The following SNRK variants were observed in gnomAD, a reference collection of about 807,000 sequenced individuals.
SNRK encodes the protein SNF-related serine/threonine-protein kinase.
In SNRK, 3 loss-of-function variants were observed where a neutral mutation model predicts 48.2. That is an observed-to-expected ratio of 0.06 (90% confidence interval 0.03 to 0.16). The LOEUF (loss-of-function observed/expected upper bound fraction) is 0.16. Among genes scored for constraint, SNRK ranks in the 10% least tolerant of loss-of-function variants. The pLI, the probability that SNRK is intolerant of heterozygous loss-of-function variation, is 1.00. For synonymous variants in SNRK, 376 were observed against 366.1 expected, an observed-to-expected ratio of 1.03 and a Z score of -0.31; for missense variants, 627 against 976.0, an observed-to-expected ratio of 0.64 and a Z score of 4.76.
At chr3:43,335,052 T>G (rs2125641527) in intron 4 of SNRK, among the ~76,000 whole-genome samples, 1 of 152,310 alleles carries the variant, frequency 6.6e-6, no homozygotes, top group African/African-American at 2.4e-5. Flanking sequence ...AACTACCTTT[T>G]GCTTTTATTA....
chr3:43,343,087 C>A, intron 5 of SNRK: 1 of 375,628 alleles, frequency 2.7e-6, no homozygotes. Context: ...AACTCAGCTG[C>A]TGTTGGCATT....
intron 1 of SNRK, among the ~76,000 whole-genome samples, chr3:43,293,224 T>A (rs2090826986): frequency 6.6e-6 from 1 of 152,172 alleles, no homozygotes; most frequent in Non-Finnish European, 1.5e-5. Flanking sequence ...TGCCTCAGCT[T>A]CCCAAAGTGC....
At chr3:43,294,276 G>A (rs185639893) in intron 1 of SNRK, among the ~76,000 whole-genome samples, 129 of 152,216 alleles carry the variant, frequency 8.5e-4, no homozygotes, top group African/African-American at 3.1e-3. Context: ...CCTAGCATCA[G>A]AAGTGTTTTG....
intron 3 of SNRK, among the ~76,000 whole-genome samples, chr3:43,330,228 C>T (rs766585472): frequency 2.6e-5 from 4 of 152,142 alleles, no homozygotes; most frequent in African/African-American, 4.8e-5. Flanking sequence ...TATGTATTTT[C>T]ATTGTCAGCC....
intron 3 of SNRK, among the ~76,000 whole-genome samples, chr3:43,328,678 C>CT (rs1389448647): frequency 3.9e-5 from 6 of 152,112 alleles, no homozygotes; most frequent in East Asian, 1.9e-4. Context: ...GAATCATCAC[C>CT]TTTTTTTAAA....
At chr3:43,343,533 CTTTTTT>C in intron 6 of SNRK, 55 bp downstream of exon 6, 2 of 1,307,030 alleles carry the variant, frequency 1.5e-6, no homozygotes, top group Non-Finnish European at 1.0e-6. Context: ...AAATAGCGAA[CTTTTTT>C]TTTTTTTTTT....
chr3:43,309,649 C>T (rs545438800), intron 3 of SNRK, among the ~76,000 whole-genome samples: 72 of 148,542 alleles, frequency 4.8e-4, no homozygotes, highest in Non-Finnish European at 8.3e-4. Flanking sequence ...TAGGGACTCT[C>T]TCTGTAGCCC....
chr3:43,286,851 A>AGGACGCGGGGCCCGGGC (rs1303992401), intron 1 of SNRK, among the ~76,000 whole-genome samples, 176 bp downstream of exon 1: 2 of 145,240 alleles, frequency 1.4e-5, no homozygotes, highest in Non-Finnish European at 3.1e-5. Flanking sequence ...GCGGCCCGGG[A>AGGACGCGGGGCCCGGGC]GGACGCGGGG....
In SNRK at chr3:43,335,063, A is replaced by T. The variant is rs868025939; in HGVS notation, c.731+2753A>T. 1.4e-4 allele frequency among the ~76,000 whole-genome samples: 21 copies of T among 152,060 alleles called. 1 individual carries two copies. The highest frequency in any genetic ancestry group is 6.8e-3 in the Middle Eastern group (2 of 294). ...TAAGAACTACCTTTTGCTTTTATTA[A>T]CAATTATAATTTTTGTTTTATGTTT... On this transcript the variant is annotated intron_variant, in intron 4 of 6. Coordinates refer to ENST00000296088, the MANE Select transcript of SNRK (RefSeq NM_017719.5).
chr3:43,326,238 C>G (rs1016655205), intron 3 of SNRK, among the ~76,000 whole-genome samples: 3 of 152,038 alleles, frequency 2.0e-5, no homozygotes, highest in African/African-American at 7.2e-5. Flanking sequence ...ACAGTCTGCT[C>G]TGAGCACTTC....
chr3:43,315,276 T>A (rs1210826146), intron 3 of SNRK: 5 of 152,108 alleles, frequency 3.3e-5, no homozygotes, highest in African/African-American at 1.2e-4. Flanking sequence ...TCTGCAATTA[T>A]AAGTTGTACA....
At chr3:43,307,972 A>T (rs537318149) in intron 3 of SNRK, among the ~76,000 whole-genome samples, 1 of 152,390 alleles carries the variant, frequency 6.6e-6, no homozygotes, top group Admixed American at 6.5e-5. Context: ...TCCAGTGAAC[A>T]CACGAATGGT....
chr3:43,303,890 G>A lies in SNRK; in HGVS notation c.589+98G>A. The stretch of plus-strand genomic sequence containing the variant: ...TAAAAATGATTTCTAGAGAATTTCT[G>A]TTAAATTGGCCTTAACTAGCAAATT... On this transcript the variant is annotated intron_variant, in intron 3 of 6. Transcript: ENST00000296088. This position sits in a 1 kb window ranked among gnomAD's most constrained non-coding sequence, Gnocchi z 6.2. The A allele has an allele frequency of 1.1e-6, 1 of 925,452 alleles. No individual in the cohort carries two copies. 57.3% of individuals were successfully genotyped at this position (925,452 alleles called of 1,614,324 possible).
intron 3 of SNRK, among the ~76,000 whole-genome samples, chr3:43,307,740 T>C (rs1241631641): frequency 2.6e-5 from 4 of 152,120 alleles, no homozygotes; most frequent in South Asian, 2.1e-4. Context: ...TTCTCTGAGA[T>C]ACAACAATAT....
At chr3:43,292,790 A>G (rs1043469569) in intron 1 of SNRK, among the ~76,000 whole-genome samples, 10 of 152,142 alleles carry the variant, frequency 6.6e-5, no homozygotes, top group South Asian at 4.1e-4. Context: ...AGTGTCCTCT[A>G]TTCTTCCTCT....
rs563182463 is a variant in SNRK, at chr3:43,336,721, T to G, written c.732-3566T>G. 4.7e-5 allele frequency among the ~76,000 whole-genome samples: 7 copies of G among 148,120 alleles called. No homozygotes were observed. In the South Asian group the frequency reaches 1.1e-3, roughly 23 times the overall value. On this transcript the variant is annotated intron_variant, in intron 4 of 6. Transcript: ENST00000296088. ...ATTTTAGTGATTTTTCTACCTGTTT[T>G]AACACAGATACACATTTTTGTTTGT...
intron 4 of SNRK, among the ~76,000 whole-genome samples, chr3:43,335,463 G>GT (rs950314550): frequency 2.0e-5 from 3 of 151,844 alleles, no homozygotes; most frequent in Non-Finnish European, 2.9e-5. Flanking sequence ...TGTTGTTTTT[G>GT]TTTTTTTGTT....
intron 3 of SNRK, among the ~76,000 whole-genome samples, chr3:43,319,249 G>A (rs1460221038): frequency 1.3e-5 from 2 of 152,098 alleles, no homozygotes; most frequent in African/African-American, 2.4e-5. Flanking sequence ...TTCTAGTGTA[G>A]TGTAAACAGT....
At chr3:43,321,944 A>C (rs540061268) in intron 3 of SNRK, among the ~76,000 whole-genome samples, 18 of 152,354 alleles carry the variant, frequency 1.2e-4, no homozygotes, top group African/African-American at 4.3e-4. Context: ...TGTCTCACCT[A>C]GGTCCCTTCA....
Sources: gnomAD v4.1 joint callset for allele counts (sites outside exome capture counted in the v4.1 genomes callset) on GRCh38, gnomAD v4.1.1 for gene constraint, Gnocchi (gnomAD v3.1) non-coding constraint, MANE v1.5 for transcripts, NCBI Gene and HGNC (gene_info 2026-07-23, HGNC 2026-07-21) for gene names.